Variants in C7orf25 observed in about 807,000 individuals in gnomAD.
C7orf25 encodes the protein chromosome 7 open reading frame 25.
In C7orf25, 14 loss-of-function variants were observed where a neutral mutation model predicts 25.5. The observed-to-expected ratio is 0.55, with a 90% CI of 0.36 to 0.86. The LOEUF is 0.86. Ranked by LOEUF, C7orf25 falls within the 40% of genes least tolerant of loss-of-function variation. C7orf25 has a pLI of 0.01. For missense variants in C7orf25, 405 were observed against 493.9 expected (o/e 0.82, Z 1.71); for synonymous variants, 184 against 179.9 (o/e 1.02, Z -0.18).
chr7:42,910,563 C>A lies in C7orf25; in HGVS notation c.338G>T (p.Gly113Val). Reference protein sequence around the residue: ...TLVVDVVANGGHTWVKAIGRK... With the variant: ...TLVVDVVANGVHTWVKAIGRK... ...GCCAATGGCTTTCACCCAAGTATGA[C>A]CACCATTTGCAACTACATCTACCAC... The change falls in exon 2 of 2, where the codon GGT (glycine) becomes GTT (valine). Residue 113 changes from glycine to valine, a missense_variant. Gly to Val is a moderately radical substitution (Grantham distance 109). Coordinates refer to ENST00000350427, the MANE Select transcript of C7orf25 (RefSeq NM_001099858.2). 6.2e-7 allele frequency: 1 copy of A among 1,614,210 alleles called. No individual in the cohort carries two copies.
At position 42,909,401 on chromosome 7, in the gene C7orf25, C is replaced by T. The variant is rs1441822201; in HGVS notation, c.*234G>A. 1.7e-5 allele frequency: 8 copies of T among 477,028 alleles called. No homozygotes were observed. Among genetic ancestry groups the T allele is most frequent in the South Asian group, 8.2e-5 (2 of 24,368 alleles). 29.5% of individuals were successfully genotyped at this position (477,028 alleles called of 1,614,324 possible). A position where few individuals can be genotyped will look rare whatever the true frequency, so the allele number is the denominator to read the frequency against. On this transcript the variant is annotated 3_prime_UTR_variant, in exon 2 of 2. Coordinates refer to ENST00000350427, the MANE Select transcript of C7orf25 (RefSeq NM_001099858.2). ...AATACAGCTGAAAGCTTTATATAGA[C>T]GTATTTCGGTTCTTAATTGCACTAA... is the stretch of plus-strand genomic sequence containing the variant.
Position 42,911,838 on chromosome 7 carries a change from G to GGCCCT in C7orf25, c.-22+72_-22+76dup. 4 of 1,307,180 alleles carry GGCCCT rather than the reference G, an allele frequency of 3.1e-6. No homozygotes were observed. The South Asian group carries it at 8.2e-5, about 27-fold the overall frequency. The allele number at this position is 1,307,180 out of a possible 1,614,324, so 81.0% of individuals were successfully genotyped here. A position where few individuals can be genotyped will look rare whatever the true frequency, so the allele number is the denominator to read the frequency against. On this transcript the variant is annotated intron_variant, in intron 1 of 1. Coordinates refer to ENST00000350427, the MANE Select transcript of C7orf25 (RefSeq NM_001099858.2). ...CGGCCGACCCCCTTCCCGCCGGGCCGGCCCTGCCCAGCCCCCTCTGGCCTC... is the reference window on the plus strand; with the variant it reads ...CGGCCGACCCCCTTCCCGCCGGGCCGGCCCTGCCCTGCCCAGCCCCCTCTGGCCTC...
Position 42,909,450 on chromosome 7 carries a change from TTC to T in C7orf25, c.*183_*184del. ...AATGCAGACAGTTTGATAGATAAGCTTCTCTCTTGTGCTTTTTCTACTTTGGG... is the reference window on the plus strand; with the variant it reads ...AATGCAGACAGTTTGATAGATAAGCTTCTCTTGTGCTTTTTCTACTTTGGG... On this transcript the variant is annotated 3_prime_UTR_variant, in exon 2 of 2. Transcript: ENST00000350427. 1.6e-6 allele frequency: 1 copy of T among 606,126 alleles called. No individual in the cohort carries two copies. Among genetic ancestry groups the T allele is most frequent in the Non-Finnish European group, 2.8e-6 (1 of 361,466 alleles). 37.5% of individuals were successfully genotyped at this position (606,126 alleles called of 1,614,324 possible). A position where few individuals can be genotyped will look rare whatever the true frequency, so the allele number is the denominator to read the frequency against.
chr7:42,909,783 AT>A lies in C7orf25; in HGVS notation c.1117del (p.Met373Ter). On this transcript the variant is annotated frameshift_variant, in exon 2 of 2. Transcript: ENST00000350427. LOFTEE classifies it high-confidence loss of function. ...GTGDTLKAITMTANSGFVRAA... is the reference protein window; with the variant it reads ...GTGDTLKAITXTANSGFVRAA... ...TCTGACAAAACCACTATTAGCAGTC[AT>A]TGTGATGGCTTTTAGGGTGTCTCCC... The A allele has an allele frequency of 6.2e-7, 1 of 1,614,180 alleles. No individual in the cohort carries two copies. Among genetic ancestry groups the A allele is most frequent in the Non-Finnish European group, 8.5e-7 (1 of 1,180,028 alleles).
intron 1 of C7orf25, chr7:42,911,524 T>C (rs933099007): frequency 2.0e-6 from 2 of 998,750 alleles, no homozygotes; most frequent in Non-Finnish European, 2.4e-6. Flanking sequence ...CAGACTATTT[T>C]AAAAGACCGA....
intron 1 of C7orf25, chr7:42,911,311 A>C: frequency 9.0e-7 from 1 of 1,105,006 alleles, no homozygotes; most frequent in Non-Finnish European, 1.2e-6. Flanking sequence ...AAATGCCGAA[A>C]ACAAAAATAC....
rs1785870827 is a variant in C7orf25, at chr7:42,910,708, G to A, written c.193C>T (p.Gln65Ter). ...GKVAIKESHLQSTNLTHLRAI... is the reference protein window; with the variant it reads ...GKVAIKESHL Reference sequence around the variant, plus strand: ...CTCAGGTGTGTTAGGTTAGTGCTCTGTAAATGAGACTCTTTAATAGCTACT... The same window carrying A: ...CTCAGGTGTGTTAGGTTAGTGCTCTATAAATGAGACTCTTTAATAGCTACT... Residue 65 changes from glutamine to a stop codon, truncating the protein, a stop_gained, in exon 2 of 2, where the codon CAG becomes TAG. Coordinates refer to ENST00000350427, the MANE Select transcript of C7orf25 (RefSeq NM_001099858.2). LOFTEE classifies it high-confidence loss of function. The A allele has an allele frequency of 6.2e-7, 1 of 1,614,138 alleles. No individual in the cohort carries two copies. The highest frequency in any genetic ancestry group is 8.5e-7 in the Non-Finnish European group (1 of 1,180,038).
chr7:42,911,397 T>A, intron 1 of C7orf25: 1 of 1,024,250 alleles, frequency 9.8e-7, no homozygotes. Context: ...TCCCTAACCT[T>A]TTCCTCCTTC....
Position 42,910,893 on chromosome 7 carries a change from G to C in C7orf25, c.8C>G (p.Ala3Gly). ...GATTCGTTCACAGAGCATGGAATGT[G>C]CAGACATGCTGTCAGCATTATTCCT... MS[A>G]HSMLCERIAI... is the part of the protein sequence containing the mutation. The change falls in exon 2 of 2, where the codon GCA (alanine) becomes GGA (glycine). Residue 3 changes from alanine to glycine, a missense_variant. Physicochemically the swap from Ala to Gly is moderately conservative, Grantham distance 60. Coordinates refer to ENST00000350427, the MANE Select transcript of C7orf25 (RefSeq NM_001099858.2). 16 of 1,613,504 alleles carry C rather than the reference G, an allele frequency of 9.9e-6. No individual in the cohort carries two copies. Among genetic ancestry groups the C allele is most frequent in the Non-Finnish European group, 1.4e-5 (16 of 1,179,938 alleles).
Position 42,911,990 on chromosome 7 carries a change from C to G in C7orf25, c.-97G>C, listed in dbSNP as rs1440944671. 1.3e-6 allele frequency: 2 copies of G among 1,494,542 alleles called. No individual in the cohort carries two copies. Among genetic ancestry groups the G allele is most frequent in the Non-Finnish European group, 1.8e-6 (2 of 1,130,204 alleles). 92.6% of individuals were successfully genotyped at this position (1,494,542 alleles called of 1,614,324 possible). A position where few individuals can be genotyped will look rare whatever the true frequency, so the allele number is the denominator to read the frequency against. ...GCCGGGACCCGCCGGGAAATCTCAA[C>G]CGGGCAGCCCCCACCCCGCTCGAAC... On this transcript the variant is annotated 5_prime_UTR_variant, in exon 1 of 2. Coordinates refer to ENST00000350427, the MANE Select transcript of C7orf25 (RefSeq NM_001099858.2).
chr7:42,910,785 C>T lies in C7orf25; in HGVS notation c.116G>A (p.Cys39Tyr). The T allele has an allele frequency of 1.2e-6, 2 of 1,614,212 alleles. No individual in the cohort carries two copies. Among genetic ancestry groups the T allele is most frequent in the Non-Finnish European group, 1.7e-6 (2 of 1,180,044 alleles). ...TTTTAATTCTGCCTTCAATTTGCTG[C>T]ACAGCTTTGCACCACCTTCTATGCC... ...KGGIEGGAKL[C>Y]SKLKAELKFL... Residue 39 changes from cysteine (C) to tyrosine (Y), a missense_variant, in exon 2 of 2, where the codon TGC becomes TAC. Transcript: ENST00000350427.
At position 42,909,588 on chromosome 7, in the gene C7orf25, C is replaced by A; in HGVS notation, c.*47G>T. 6.4e-7 allele frequency: 1 copy of A among 1,552,422 alleles called. No homozygotes were observed. The highest frequency in any genetic ancestry group is 8.7e-7 in the Non-Finnish European group (1 of 1,152,418). ...ACCAGTTTAGATGGGAAGACCCAGC[C>A]TTTGGTATAAATAACTTACTTCCAC... On this transcript the variant is annotated 3_prime_UTR_variant, in exon 2 of 2. Transcript: ENST00000350427.
Position 42,909,870 on chromosome 7 carries a change from C to A in C7orf25, c.1031G>T (p.Arg344Leu). 3 of 1,614,192 alleles carry A rather than the reference C, an allele frequency of 1.9e-6. No homozygotes were observed. The highest frequency in any genetic ancestry group is 1.7e-6 in the Non-Finnish European group (2 of 1,180,036). Residue 344 changes from arginine (R) to leucine (L), a missense_variant, in exon 2 of 2, where the codon CGT (arginine) becomes CTT (leucine). Arg to Leu is a moderately radical substitution (Grantham distance 102). Transcript: ENST00000350427. ...TGAACTGGCCACTAGTCTCAAGGCA[C>A]GCTCAGAAGGCTGGTCTGGTACCAC... ...INVVPDQPSERALRLVASSKI... is the reference protein window; with the variant it reads ...INVVPDQPSELALRLVASSKI...
At chr7:42,911,100 GGCA>G (rs1562696500) in intron 1 of C7orf25, 179 bp from the exon 2 acceptor site, 18 of 1,064,092 alleles carry the variant, frequency 1.7e-5, no homozygotes, top group Non-Finnish European at 2.4e-5. Context: ...AGGAAAGGAT[GGCA>G]GCTACACTTT....
Position 42,909,564 on chromosome 7 carries a change from C to A in C7orf25, c.*71G>T. ...CTTTTACTATAGACCTTTTTTCCCA[C>A]CAGTTTAGATGGGAAGACCCAGCCT... On this transcript the variant is annotated 3_prime_UTR_variant, in exon 2 of 2. Coordinates refer to ENST00000350427, the MANE Select transcript of C7orf25 (RefSeq NM_001099858.2). 6.7e-7 allele frequency: 1 copy of A among 1,484,846 alleles called. No individual in the cohort carries two copies. The highest frequency in any genetic ancestry group is 9.0e-7 in the Non-Finnish European group (1 of 1,105,196). The allele number at this position is 1,484,846 out of a possible 1,614,324, so 92.0% of individuals were successfully genotyped here.
intron 1 of C7orf25, 122 bp downstream of exon 1, chr7:42,911,793 G>C (rs1057453774): frequency 1.4e-5 from 18 of 1,276,848 alleles, no homozygotes; most frequent in Non-Finnish European, 1.8e-5. Flanking sequence ...GCGGCTCAGG[G>C]ACCAGGCGCT....
In C7orf25 at chr7:42,910,150, C is replaced by A. The variant is rs1267873564; in HGVS notation, c.751G>T (p.Asp251Tyr). The change falls in exon 2 of 2, where the codon GAC (aspartate) becomes TAC (tyrosine). Residue 251 changes from aspartate to tyrosine, a missense_variant. Physicochemically the swap from Asp to Tyr is radical, Grantham distance 160. Transcript: ENST00000350427. ...ACATATGTGATTAAAGTAGTAATGT[C>A]CAGATTTACTCTTTTGCACACATCG... ...KVDVCKRVNL[D>Y]ITTLITYVSA... 1 of 1,614,006 alleles carries A rather than the reference C, an allele frequency of 6.2e-7. No individual in the cohort carries two copies. The highest frequency in any genetic ancestry group is 8.5e-7 in the Non-Finnish European group (1 of 1,180,040).
intron 1 of C7orf25, chr7:42,911,677 C>T (rs935384385): frequency 5.3e-6 from 6 of 1,138,286 alleles, no homozygotes; most frequent in South Asian, 8.8e-5. Context: ...CAGAGGCCGG[C>T]GGGGCCTTCT....
chr7:42,912,046 C>G lies in C7orf25; in HGVS notation c.-153G>C. On this transcript the variant is annotated 5_prime_UTR_variant, in exon 1 of 2. Transcript: ENST00000350427. ...GGCGGCTCCACCCGCGCGAGCCCCG[C>G]CGCCTCGGGCACCTCCTGCATCACG... The G allele has an allele frequency of 6.8e-7, 1 of 1,462,786 alleles. No homozygotes were observed. The highest frequency in any genetic ancestry group is 9.0e-7 in the Non-Finnish European group (1 of 1,115,524). 90.6% of individuals were successfully genotyped at this position (1,462,786 alleles called of 1,614,324 possible).
Sources: allele counts gnomAD v4.1 joint callset, GRCh38; gene constraint gnomAD v4.1.1; transcripts MANE v1.5; gene names NCBI Gene and HGNC (gene_info 2026-07-23, HGNC 2026-07-21).